The following SPATA17 variants were observed in gnomAD, a reference collection of about 807,000 sequenced individuals.
SPATA17 encodes spermatogenesis associated 17.
A neutral mutation model predicts 62.2 loss-of-function variants in SPATA17; 53 were observed. The ratio of observed to expected loss-of-function variants is 0.85; its 90% CI spans 0.68 to 1.07. SPATA17 has a LOEUF of 1.07. Among genes scored for constraint, SPATA17 ranks in the 50% least tolerant of loss-of-function variants. The probability of loss-of-function intolerance (pLI) is 0.00; values close to 1 mark genes in which losing one functional copy is unlikely to be tolerated. For missense variants in SPATA17, 466 were observed against 425.5 expected, an observed-to-expected ratio of 1.10 and a Z score of -0.84; for synonymous variants, 146 against 146.8, an observed-to-expected ratio of 0.99 and a Z score of 0.04.
At chr1:217,855,891 T>C (rs183345222) in intron 9 of SPATA17, among the ~76,000 whole-genome samples, 45 of 152,010 alleles carry the variant, frequency 3.0e-4, no homozygotes, top group Non-Finnish European at 5.6e-4. Context: ...CAAGTCCAGC[T>C]AATTTTTGTA....
At chr1:217,863,864 C>T (rs974095409) in intron 10 of SPATA17, among the ~76,000 whole-genome samples, 1 of 152,148 alleles carries the variant, frequency 6.6e-6, no homozygotes, top group African/African-American at 2.4e-5. Context: ...AATGAGAAAT[C>T]ATGCTAGTTA....
rs138335913 is a variant in SPATA17, at chr1:217,813,125, A to G, written c.1005+11275A>G. ...GCATATTGCACAGAACATAAAGTTG[A>G]CCTTTGCTGTCTACGGCTTTTGGAA... is the stretch of plus-strand genomic sequence containing the variant. On this transcript the variant is annotated intron_variant, in intron 9 of 10. Coordinates refer to ENST00000366933, the MANE Select transcript of SPATA17 (RefSeq NM_138796.4). Among the ~76,000 whole-genome samples the G allele has an allele frequency of 7.1e-3, 1,089 of 152,332 alleles. 15 individuals carry two copies. The highest frequency in any genetic ancestry group is 0.025 in the African/African-American group (1,032 of 41,576).
rs1209078220 is a variant in SPATA17 at position 217,648,879 on chromosome 1, T to C, written c.69-3T>C. 3.8e-6 allele frequency: 6 copies of C among 1,589,162 alleles called. No homozygotes were observed. Among genetic ancestry groups the C allele is most frequent in the East Asian group, 4.5e-5 (2 of 44,378 alleles). On this transcript the variant is annotated splice_region_variant and splice_polypyrimidine_tract_variant and intron_variant, in intron 1 of 10. Coordinates refer to ENST00000366933, the MANE Select transcript of SPATA17 (RefSeq NM_138796.4). ...GAAGTGCTTTTTAAACATTTTGTTT[T>C]AGTGTTGTAGATCCATTTAGAAAAA...
intron 5 of SPATA17, chr1:217,739,729 A>C (rs1167328177): frequency 6.6e-6 from 1 of 152,144 alleles, no homozygotes; most frequent in African/African-American, 2.4e-5. Context: ...GTATATATCA[A>C]GAATAATTTA....
intron 6 of SPATA17, among the ~76,000 whole-genome samples, chr1:217,769,527 G>T (rs1216364726): frequency 6.6e-6 from 1 of 152,084 alleles, no homozygotes; most frequent in Non-Finnish European, 1.5e-5. Flanking sequence ...TGTTCTTTAG[G>T]GCTGGAGTTC....
At chr1:217,829,845 C>T (rs533320768) in intron 9 of SPATA17, among the ~76,000 whole-genome samples, 50 of 151,446 alleles carry the variant, frequency 3.3e-4, no homozygotes, top group Admixed American at 9.2e-4. Flanking sequence ...GAAAGTCCAG[C>T]GAGCCAATGT....
intron 9 of SPATA17, among the ~76,000 whole-genome samples, chr1:217,818,727 CT>C (rs904489533): frequency 2.6e-4 from 39 of 151,866 alleles, no homozygotes; most frequent in African/African-American, 8.9e-4. Context: ...TCCTGTATTT[CT>C]GGAAATATTT....
At chr1:217,675,846 G>A (rs1670935562) in intron 4 of SPATA17, among the ~76,000 whole-genome samples, 2 of 152,086 alleles carry the variant, frequency 1.3e-5, no homozygotes. Flanking sequence ...GAACCCAGGA[G>A]GTCTGGCACT....
chr1:217,745,952 A>G (rs1672738420), intron 6 of SPATA17, among the ~76,000 whole-genome samples: 2 of 152,050 alleles, frequency 1.3e-5, no homozygotes. Flanking sequence ...AAAGACACAC[A>G]TTTCAATCTG....
rs537061065 is a variant in SPATA17 at position 217,746,211 on chromosome 1, G to C, written c.519+4113G>C. On this transcript the variant is annotated intron_variant, in intron 6 of 10. Coordinates refer to ENST00000366933, the MANE Select transcript of SPATA17 (RefSeq NM_138796.4). ...GTATCAATTTTAACGTTCAATGCTT[G>C]CAGATATTTGAAAATTCTCCAAATA... is the stretch of plus-strand genomic sequence containing the variant. Among the ~76,000 whole-genome samples, 30 of 152,026 alleles carry C rather than the reference G, an allele frequency of 2.0e-4. No homozygotes were observed. In the South Asian group the frequency reaches 5.8e-3, roughly 29 times the overall value.
chr1:217,749,831 A>T (rs1320240101), intron 6 of SPATA17, among the ~76,000 whole-genome samples: 2 of 150,762 alleles, frequency 1.3e-5, no homozygotes, highest in Admixed American at 6.6e-5. Flanking sequence ...AGCATTCAAA[A>T]TTCTTTACAA....
intron 7 of SPATA17, among the ~76,000 whole-genome samples, chr1:217,779,966 A>C (rs952047309): frequency 6.6e-6 from 1 of 152,166 alleles, no homozygotes; most frequent in African/African-American, 2.4e-5. Context: ...TAAACTAAAC[A>C]TTAAAAAACC....
intron 5 of SPATA17, among the ~76,000 whole-genome samples, chr1:217,687,215 T>C (rs1409160925): frequency 6.6e-6 from 1 of 152,182 alleles, no homozygotes; most frequent in Non-Finnish European, 1.5e-5. Flanking sequence ...TATAATATTG[T>C]CCACATTTAA....
At position 217,652,295 on chromosome 1, in the gene SPATA17, G is replaced by A. The variant is rs974885041; in HGVS notation, c.240+1117G>A. ...TCCCCAGGCTGGAGTGCAATGGCAC[G>A]ATTTCGTCTCACCGCAACCTCTGCC... On this transcript the variant is annotated intron_variant, in intron 3 of 10. Coordinates refer to ENST00000366933, the MANE Select transcript of SPATA17 (RefSeq NM_138796.4). 3.3e-5 allele frequency among the ~76,000 whole-genome samples: 5 copies of A among 152,158 alleles called. No homozygotes were observed. In the East Asian group the frequency reaches 7.7e-4, roughly 23 times the overall value.
chr1:217,776,563 G>A (rs1279404485), intron 7 of SPATA17, among the ~76,000 whole-genome samples: 1 of 151,762 alleles, frequency 6.6e-6, no homozygotes, highest in Admixed American at 6.6e-5. Context: ...GCCAGGTGAG[G>A]CACAGTGGCT....
At chr1:217,695,996 C>A (rs1358132442) in intron 5 of SPATA17, among the ~76,000 whole-genome samples, 1 of 151,046 alleles carries the variant, frequency 6.6e-6, no homozygotes, top group Non-Finnish European at 1.5e-5. Flanking sequence ...GCAGGCAGGC[C>A]TCCTTGAGCT....
intron 5 of SPATA17, chr1:217,737,993 T>G (rs2102945559): frequency 6.6e-6 from 1 of 152,050 alleles, no homozygotes; most frequent in East Asian, 1.9e-4. Context: ...CCAGGCTAAT[T>G]TTTTGTATTT....
intron 5 of SPATA17, among the ~76,000 whole-genome samples, chr1:217,715,864 G>A (rs1180396231): frequency 6.6e-6 from 1 of 152,104 alleles, no homozygotes; most frequent in Non-Finnish European, 1.5e-5. Flanking sequence ...CTAACAGCTT[G>A]CTGTTTCAAA....
intron 9 of SPATA17, among the ~76,000 whole-genome samples, chr1:217,819,608 A>G (rs925952663): frequency 2.0e-5 from 3 of 152,028 alleles, no homozygotes; most frequent in Non-Finnish European, 4.4e-5. Context: ...TATAACCTTT[A>G]GTAAGCTTTC....
Sources: gnomAD v4.1 joint callset for allele counts (sites outside exome capture counted in the v4.1 genomes callset) on GRCh38, gnomAD v4.1.1 for gene constraint, MANE v1.5 for transcripts, NCBI Gene and HGNC (gene_info 2026-07-23, HGNC 2026-07-21) for gene names.